DENND4A: variants seen among roughly 807,000 people sequenced by gnomAD.
DENND4A encodes the protein DENN domain containing 4A.
Under a neutral mutation model 199.3 loss-of-function variants are expected in DENND4A, and 70 were observed. The ratio of observed to expected loss-of-function variants is 0.35; its 90% confidence interval spans 0.29 to 0.43. The LOEUF is 0.43. DENND4A is among the 20% of genes least tolerant of loss of function. DENND4A has a pLI of 1.00. For missense variants in DENND4A, 1,723 were observed against 2,255.8 expected (o/e 0.76, Z 4.78); for synonymous variants, 686 against 766.9 (o/e 0.89, Z 1.74).
intron 1 of DENND4A, among the ~76,000 whole-genome samples, chr15:65,766,074 C>A (rs2076976335): frequency 6.6e-6 from 1 of 152,004 alleles, no homozygotes; most frequent in Non-Finnish European, 1.5e-5. Flanking sequence ...CATAGTGAAA[C>A]CCTGTCTCTA....
At chr15:65,733,019 C>T (rs747334004) in intron 7 of DENND4A, among the ~76,000 whole-genome samples, 1 of 152,140 alleles carries the variant, frequency 6.6e-6, no homozygotes, top group Non-Finnish European at 1.5e-5. Context: ...TGACTTTTCA[C>T]ATTAATAGGC....
At chr15:65,703,197 G>A (rs1434647286) in intron 15 of DENND4A, among the ~76,000 whole-genome samples, 189 bp from the exon 16 acceptor site, 1 of 152,098 alleles carries the variant, frequency 6.6e-6, no homozygotes, top group Non-Finnish European at 1.5e-5. Context: ...ACTATAATTA[G>A]AAATGTAATA....
intron 3 of DENND4A, among the ~76,000 whole-genome samples, chr15:65,754,097 G>A (rs981679750): frequency 6.6e-6 from 1 of 151,752 alleles, no homozygotes; most frequent in Non-Finnish European, 1.5e-5. Flanking sequence ...GCCTTCCAAA[G>A]TGCCGGGATT....
At chr15:65,718,316 C>G (rs1005643079) in intron 12 of DENND4A, among the ~76,000 whole-genome samples, 6 of 152,146 alleles carry the variant, frequency 3.9e-5, no homozygotes, top group Admixed American at 3.9e-4. Flanking sequence ...GAGTTCAAGA[C>G]TAGCCTGGGC....
At chr15:65,663,251 G>A (rs921604112) in intron 32 of DENND4A, among the ~76,000 whole-genome samples, 1 of 136,708 alleles carries the variant, frequency 7.3e-6, no homozygotes, top group African/African-American at 2.8e-5. Context: ...CTCTTGTTGC[G>A]CAGGCTGGAG....
At chr15:65,750,226 G>A (rs1596598429) in intron 4 of DENND4A, among the ~76,000 whole-genome samples, 1 of 152,128 alleles carries the variant, frequency 6.6e-6, no homozygotes, top group East Asian at 1.9e-4. Context: ...GCAAACTAAT[G>A]CAGAAACAGA....
At chr15:65,779,069 A>C (rs1291762360) in intron 1 of DENND4A, among the ~76,000 whole-genome samples, 1 of 152,082 alleles carries the variant, frequency 6.6e-6, no homozygotes, top group African/African-American at 2.4e-5. Flanking sequence ...TTTGAGGCCA[A>C]CCTGGGAAAT....
intron 1 of DENND4A, among the ~76,000 whole-genome samples, chr15:65,776,716 G>C (rs2077293519): frequency 6.6e-6 from 1 of 152,122 alleles, no homozygotes; most frequent in African/African-American, 2.4e-5. Flanking sequence ...TTCTCCCAGA[G>C]GTTCAGAATG....
chr15:65,686,876 A>C (rs1276274170), intron 23 of DENND4A, among the ~76,000 whole-genome samples: 11 of 151,990 alleles, frequency 7.2e-5, no homozygotes, highest in Non-Finnish European at 1.5e-5. Flanking sequence ...TAAAAAAAAA[A>C]AAAAATTGTA....
chr15:65,713,790 T>C (rs895497510), intron 14 of DENND4A, among the ~76,000 whole-genome samples: 7 of 152,250 alleles, frequency 4.6e-5, no homozygotes, highest in African/African-American at 1.7e-4. Context: ...TATCGCCTAA[T>C]AATGTCCTTG....
intron 21 of DENND4A, chr15:65,696,704 T>C (rs1735749697): frequency 5.7e-6 from 2 of 348,632 alleles, no homozygotes; most frequent in Non-Finnish European, 1.1e-5. Context: ...TGAATACTGA[T>C]CATGCATGAG....
intron 7 of DENND4A, among the ~76,000 whole-genome samples, chr15:65,733,246 ATTCT>A (rs1361367118): frequency 2.0e-4 from 30 of 152,288 alleles, no homozygotes; most frequent in East Asian, 9.6e-4. Flanking sequence ...ACTGAACAGT[ATTCT>A]TTCTATTAAT....
intron 11 of DENND4A, among the ~76,000 whole-genome samples, chr15:65,725,339 C>T (rs1000441458): frequency 2.0e-5 from 3 of 152,044 alleles, no homozygotes; most frequent in Non-Finnish European, 2.9e-5. Flanking sequence ...TTTGATAAAT[C>T]GCTTAAAAAT....
At position 65,665,332 on chromosome 15, in the gene DENND4A, T is replaced by C. The variant is rs2075998995; in HGVS notation, c.5359+13A>G. 6.2e-7 allele frequency: 1 copy of C among 1,602,470 alleles called. No individual in the cohort carries two copies. The highest frequency in any genetic ancestry group is 8.5e-7 in the Non-Finnish European group (1 of 1,170,354). ...TCATATGAACAAAGTCAGCATTCTA[T>C]GATGGCACTTACTGTGTGCATTCCA... On this transcript the variant is annotated intron_variant, in intron 30 of 32. Transcript: ENST00000443035.
chr15:65,787,776 T>C (rs1368186190), intron 1 of DENND4A, among the ~76,000 whole-genome samples: 1 of 152,146 alleles, frequency 6.6e-6, no homozygotes, highest in Non-Finnish European at 1.5e-5. Context: ...GTACTGATGG[T>C]CCAGAAAGCA....
At chr15:65,789,184 T>TA (rs1277055789) in intron 1 of DENND4A, among the ~76,000 whole-genome samples, 8 of 152,016 alleles carry the variant, frequency 5.3e-5, no homozygotes, top group East Asian at 1.9e-4. Context: ...TGCTAAGTTT[T>TA]AAAAAAAACT....
Position 65,691,073 on chromosome 15 carries a change from G to A in DENND4A, c.3521C>T (p.Thr1174Ile). The A allele has an allele frequency of 6.2e-7, 1 of 1,613,058 alleles. No individual in the cohort carries two copies. The highest frequency in any genetic ancestry group is 1.7e-4 in the Middle Eastern group (1 of 6,058). The change falls in exon 23 of 33, where the codon ACA (threonine) becomes ATA (isoleucine). Residue 1174 changes from threonine (T) to isoleucine (I), a missense_variant. By Grantham distance (89) the Thr-to-Ile change is moderately conservative. Around this residue, in one of 6 missense-constraint regions of DENND4A, gnomAD observed 650 missense variants for 738.1 expected, o/e 0.88. Transcript: ENST00000443035. The stretch of plus-strand genomic sequence containing the variant: ...AACACATCCTGCTTTTGATACATCT[G>A]TTTCACTGTCTAAGTCTTCTAAGTC... ...IFDLEDLDSETDVSKAGCVAT... is the reference protein window; with the variant it reads ...IFDLEDLDSEIDVSKAGCVAT...
At chr15:65,791,466 C>A (rs1230606401) in intron 1 of DENND4A, among the ~76,000 whole-genome samples, 1 of 142,508 alleles carries the variant, frequency 7.0e-6, no homozygotes, top group Non-Finnish European at 1.5e-5. Flanking sequence ...CACACACCCC[C>A]CCAAAAAGAC....
intron 1 of DENND4A, among the ~76,000 whole-genome samples, chr15:65,780,845 C>T (rs1439901030): frequency 6.6e-6 from 1 of 152,184 alleles, no homozygotes; most frequent in Non-Finnish European, 1.5e-5. Context: ...AGTCACGTTT[C>T]AATCCCAGAC....
Sources: allele counts gnomAD v4.1 joint callset (sites outside exome capture counted in the v4.1 genomes callset), GRCh38; gene constraint gnomAD v4.1.1; regional missense constraint gnomAD v4.1.1; transcripts MANE v1.5; gene names NCBI Gene and HGNC (gene_info 2026-07-23, HGNC 2026-07-21).